Variants in HYDIN observed in about 807,000 individuals in gnomAD.
HYDIN encodes axonemal central pair apparatus protein HYDIN.
In HYDIN, 132 loss-of-function variants were observed where a neutral mutation model predicts 403.9. The ratio of observed to expected loss-of-function variants is 0.33; its 90% CI spans 0.28 to 0.38. The LOEUF is 0.38. HYDIN is among the 10% of genes least tolerant of loss of function. The pLI, the probability that HYDIN is intolerant of heterozygous loss-of-function variation, is 1.00. For synonymous variants in HYDIN, 1,202 were observed against 1,891.7 expected (o/e 0.64, Z 9.46); for missense variants, 2,827 against 5,009.5 (o/e 0.56, Z 13.15).
Position 70,850,481 on chromosome 16 carries a change from A to C in HYDIN, c.12618T>G (p.Thr4206=). 1.9e-6 allele frequency: 3 copies of C among 1,588,616 alleles called. No individual in the cohort carries two copies. Among genetic ancestry groups the C allele is most frequent in the Non-Finnish European group, 2.6e-6 (3 of 1,162,838 alleles). The change falls in exon 74 of 86, where the codon ACT becomes ACG. Residue 4206 remains threonine, a synonymous_variant. Transcript: ENST00000393567. ...KDRTGSITLL[T]PNQTNIINFY... ...AGTTGATGATGTTAGTCTGGTTGGG[A>C]GTCAACAGAGTGATGGAGCCTGTCC...
intron 18 of HYDIN, among the ~76,000 whole-genome samples, chr16:71,054,325 TAACAATTTAGAGGGCAGAGCTAATC>T (rs138331664): frequency 0.08 from 12,109 of 150,668 alleles, 98 homozygotes; most frequent in South Asian, 0.13. Context: ...TCCACAGATG[TAACAATTTAGAGGGCAGAGCTAATC>T]TACTCATTGA....
chr16:70,953,708 G>A (rs1280130257), intron 40 of HYDIN, among the ~76,000 whole-genome samples: 1 of 151,700 alleles, frequency 6.6e-6, no homozygotes, highest in Non-Finnish European at 1.5e-5. Flanking sequence ...TGTGTCTCTA[G>A]CTTGATGTTA....
intron 16 of HYDIN, 76 bp from the exon 17 acceptor site, chr16:71,062,409 T>C (rs1415790571): frequency 2.4e-6 from 3 of 1,253,128 alleles, no homozygotes; most frequent in East Asian, 5.1e-5. Flanking sequence ...TTTGAAGTGT[T>C]TTCCTGAGTC....
chr16:70,808,294 G>A (rs752950332), intron 85 of HYDIN, among the ~76,000 whole-genome samples: 1 of 152,178 alleles, frequency 6.6e-6, no homozygotes, highest in Non-Finnish European at 1.5e-5. Context: ...AATGTGTACT[G>A]AGACACACAG....
intron 1 of HYDIN, among the ~76,000 whole-genome samples, chr16:71,209,973 T>C (rs1037681766): frequency 7.9e-5 from 12 of 152,212 alleles, no homozygotes; most frequent in Non-Finnish European, 1.8e-4. Context: ...AAGCAATTTA[T>C]AGATTCAGTG....
At chr16:70,980,493 G>A (rs1467557557) in intron 29 of HYDIN, among the ~76,000 whole-genome samples, 5 of 149,000 alleles carry the variant, frequency 3.4e-5, no homozygotes, top group South Asian at 2.1e-4. Flanking sequence ...GTAACAGAGC[G>A]AGACCTTTTT....
intron 29 of HYDIN, 116 bp from the exon 30 acceptor site, chr16:70,979,157 G>A (rs1349101734): frequency 1.5e-5 from 18 of 1,179,312 alleles, no homozygotes; most frequent in Non-Finnish European, 1.8e-5. Flanking sequence ...GAAGGGAAGT[G>A]GACTTTTGGA....
In HYDIN at chr16:70,850,669, A is replaced by G; in HGVS notation, c.12444-14T>C. On this transcript the variant is annotated splice_polypyrimidine_tract_variant and intron_variant, in intron 73 of 85. Coordinates refer to ENST00000393567, the MANE Select transcript of HYDIN (RefSeq NM_001270974.2). Reference sequence around the variant, plus strand: ...TCAATTGGGAACCTGGTTGGGGAACAAAACAGCAGATTACCTGACTAGGCC... The same window carrying G: ...TCAATTGGGAACCTGGTTGGGGAACGAAACAGCAGATTACCTGACTAGGCC... 1 of 1,609,596 alleles carries G rather than the reference A, an allele frequency of 6.2e-7. No individual in the cohort carries two copies. Among genetic ancestry groups the G allele is most frequent in the Non-Finnish European group, 8.5e-7 (1 of 1,176,378 alleles).
chr16:70,920,794 T>C lies in HYDIN; in HGVS notation c.7582A>G (p.Arg2528Gly). The C allele has an allele frequency of 6.4e-7, 1 of 1,560,498 alleles. No homozygotes were observed. Reference protein sequence around the residue: ...KERTEKERLEREKAERERLEK... With the variant: ...KERTEKERLEGEKAERERLEK... Reference sequence around the variant, plus strand: ...AGGCGCTCCCGCTCCGCCTTCTCCCTCTCCAGGCGCTCCTTCTCCGTGCGC... The same window carrying C: ...AGGCGCTCCCGCTCCGCCTTCTCCCCCTCCAGGCGCTCCTTCTCCGTGCGC... The change falls in exon 46 of 86, where the codon AGG (arginine) becomes GGG (glycine). Residue 2528 changes from arginine to glycine, a missense_variant. Arg to Gly is a moderately radical substitution (Grantham distance 125, BLOSUM62 -2). Transcript: ENST00000393567.
intron 1 of HYDIN, among the ~76,000 whole-genome samples, chr16:71,227,177 A>ATG (rs940284290): frequency 1.3e-5 from 2 of 151,922 alleles, no homozygotes; most frequent in African/African-American, 4.8e-5. Context: ...ATATATATAT[A>ATG]TGAATGATAT....
chr16:71,190,779 C>T (rs2087395881), intron 1 of HYDIN, among the ~76,000 whole-genome samples: 1 of 152,152 alleles, frequency 6.6e-6, no homozygotes, highest in Admixed American at 6.5e-5. Flanking sequence ...TGATGTGACG[C>T]AGTACACAGC....
intron 83 of HYDIN, among the ~76,000 whole-genome samples, chr16:70,819,449 C>T (rs1015257972): frequency 5.3e-5 from 8 of 150,058 alleles, no homozygotes; most frequent in African/African-American, 2.0e-4. Flanking sequence ...GCTTCGCAAA[C>T]TCAAGTATCT....
At chr16:71,178,430 A>ATATAT (rs1555501877) in intron 4 of HYDIN, among the ~76,000 whole-genome samples, 17 of 118,506 alleles carry the variant, frequency 1.4e-4, no homozygotes, top group South Asian at 5.5e-4. Context: ...AAAAAAAAAA[A>ATATAT]AAAAATATAT....
At chr16:71,000,143 A>G (rs1040620329) in intron 23 of HYDIN, among the ~76,000 whole-genome samples, 5 of 151,948 alleles carry the variant, frequency 3.3e-5, no homozygotes, top group African/African-American at 1.2e-4. Context: ...GACCAACCAA[A>G]TGAGCCCTTT....
At chr16:70,957,107 T>C (rs1157742670) in intron 39 of HYDIN, among the ~76,000 whole-genome samples, 1 of 151,346 alleles carries the variant, frequency 6.6e-6, no homozygotes, top group Non-Finnish European at 1.5e-5. Flanking sequence ...GAACTGAAAC[T>C]CTGTACCCAT....
chr16:71,146,001 C>T (rs2085352932), intron 7 of HYDIN, among the ~76,000 whole-genome samples: 1 of 152,218 alleles, frequency 6.6e-6, no homozygotes. Context: ...CAACAAATAG[C>T]GTTTTTTGAA....
At chr16:71,205,590 T>C (rs1291976820) in intron 1 of HYDIN, among the ~76,000 whole-genome samples, 2 of 152,164 alleles carry the variant, frequency 1.3e-5, no homozygotes, top group African/African-American at 4.8e-5. Context: ...CAGTTGTAGT[T>C]CCGAGGAGCA....
intron 1 of HYDIN, among the ~76,000 whole-genome samples, chr16:71,222,742 A>AAAAAT (rs1423270207): frequency 1.3e-5 from 2 of 152,216 alleles, no homozygotes; most frequent in Admixed American, 1.3e-4. Context: ...ACAGCTGCAA[A>AAAAAT]AAAATAAAAT....
chr16:70,820,926 G>A lies in HYDIN; in HGVS notation c.14428-2354C>T, dbSNP rs1197568464. Among the ~76,000 whole-genome samples the A allele has an allele frequency of 5.9e-5, 9 of 152,152 alleles. 1 individual carries two copies. Among genetic ancestry groups the A allele is most frequent in the African/African-American group, 1.9e-4 (8 of 41,502 alleles). On this transcript the variant is annotated intron_variant, in intron 83 of 85. Coordinates refer to ENST00000393567, the MANE Select transcript of HYDIN (RefSeq NM_001270974.2). ...AGCCTCCCAAAGTGCTGGGATTACA[G>A]GTGTGAGCCACTGCACCTGGCCTTT...
Sources: allele counts gnomAD v4.1 joint callset (sites outside exome capture counted in the v4.1 genomes callset), GRCh38; gene constraint gnomAD v4.1.1; transcripts MANE v1.5; gene names NCBI Gene and HGNC (gene_info 2026-07-23, HGNC 2026-07-21).